Variants in ALK observed in about 807,000 individuals in gnomAD.
ALK encodes ALK receptor tyrosine kinase, also known as ALK tyrosine kinase receptor.
In ALK, 74 loss-of-function variants were observed where a neutral mutation model predicts 163.1. That is an observed-to-expected ratio of 0.45 (90% CI 0.38 to 0.55). The LOEUF (loss-of-function observed/expected upper bound fraction) is 0.55. Ranked by LOEUF, ALK falls within the 20% of genes least tolerant of loss-of-function variation. ALK has a pLI of 0.00. For synonymous variants in ALK, 960 were observed against 843.2 expected, an observed-to-expected ratio of 1.14 and a Z score of -2.40; for missense variants, 2,063 against 2,105.3, an observed-to-expected ratio of 0.98 and a Z score of 0.39.
chr2:29,332,128 T>C, intron 5 of ALK, among the ~76,000 whole-genome samples: 1 of 150,804 alleles, frequency 6.6e-6, no homozygotes, highest in East Asian at 1.9e-4. Flanking sequence ...CTACTAAAAA[T>C]ACAAAAAATT....
intron 22 of ALK, among the ~76,000 whole-genome samples, 177 bp downstream of exon 22, chr2:29,222,167 A>G (rs1015941118): frequency 3.3e-5 from 5 of 152,178 alleles, no homozygotes; most frequent in Non-Finnish European, 5.9e-5. Context: ...ACAACCATCA[A>G]GGGTTGTTCC....
At chr2:29,670,667 T>C (rs1447353631) in intron 3 of ALK, among the ~76,000 whole-genome samples, 2 of 152,090 alleles carry the variant, frequency 1.3e-5, no homozygotes, top group East Asian at 1.9e-4. Context: ...GATAATTTTC[T>C]ATATCTTACA....
At chr2:29,321,630 G>A (rs1049811749) in intron 6 of ALK, among the ~76,000 whole-genome samples, 1 of 152,142 alleles carries the variant, frequency 6.6e-6, no homozygotes, top group African/African-American at 2.4e-5. Context: ...TGTTCCTAAG[G>A]GTGACACTAT....
intron 3 of ALK, among the ~76,000 whole-genome samples, chr2:29,668,987 C>T (rs1025311526): frequency 2.6e-5 from 4 of 152,090 alleles, no homozygotes; most frequent in African/African-American, 9.7e-5. Context: ...TTACCTCCCA[C>T]TGGGTCCTTC....
chr2:29,895,585 T>G (rs1468608518), intron 1 of ALK, among the ~76,000 whole-genome samples: 1 of 152,180 alleles, frequency 6.6e-6, no homozygotes, highest in East Asian at 1.9e-4. Context: ...AAGGAAACAA[T>G]GCAGAAAGGA....
At position 29,588,524 on chromosome 2, in the gene ALK, C is replaced by A. The variant is rs528316929; in HGVS notation, c.953-56408G>T. Among the ~76,000 whole-genome samples, 7 of 152,280 alleles carry A rather than the reference C, an allele frequency of 4.6e-5. No individual in the cohort carries two copies. The East Asian group carries it at 1.2e-3, about 25-fold the overall frequency. The stretch of plus-strand genomic sequence containing the variant: ...GAGATTACAGACATGAGCCACCGCA[C>A]CTGGCCGAGAAAGAAATTAAGCTCT... On this transcript the variant is annotated intron_variant, in intron 3 of 28. Coordinates refer to ENST00000389048, the MANE Select transcript of ALK (RefSeq NM_004304.5).
At chr2:29,647,647 C>T (rs973857219) in intron 3 of ALK, among the ~76,000 whole-genome samples, 6 of 152,114 alleles carry the variant, frequency 3.9e-5, no homozygotes, top group African/African-American at 1.2e-4. Flanking sequence ...GTTCATATTC[C>T]CCTGATTAAG....
intron 4 of ALK, among the ~76,000 whole-genome samples, chr2:29,436,521 T>A (rs925981315): frequency 6.6e-6 from 1 of 152,216 alleles, no homozygotes; most frequent in African/African-American, 2.4e-5. Context: ...ATTAATCTGA[T>A]TCAACTGAAG....
At chr2:29,844,504 C>A (rs1003286720) in intron 1 of ALK, among the ~76,000 whole-genome samples, 11 of 152,090 alleles carry the variant, frequency 7.2e-5, no homozygotes, top group African/African-American at 2.4e-4. Context: ...GGCCTGTAAA[C>A]CTCTGATATA....
At chr2:29,879,397 A>G (rs2148417371) in intron 1 of ALK, among the ~76,000 whole-genome samples, 1 of 152,342 alleles carries the variant, frequency 6.6e-6, no homozygotes, top group East Asian at 1.9e-4. Flanking sequence ...TGCAAGGAAA[A>G]AAAGTGTCAA....
At chr2:29,821,089 A>G (rs574645117) in intron 1 of ALK, among the ~76,000 whole-genome samples, 14 of 152,282 alleles carry the variant, frequency 9.2e-5, no homozygotes, top group African/African-American at 2.6e-4. Flanking sequence ...GGGGATCGAG[A>G]CTACTGCCAA....
chr2:29,560,457 A>C (rs1673988776), intron 3 of ALK, among the ~76,000 whole-genome samples: 1 of 152,344 alleles, frequency 6.6e-6, no homozygotes, highest in African/African-American at 2.4e-5. Flanking sequence ...AAATGAGCCG[A>C]AGGCCTTTTT....
intron 1 of ALK, among the ~76,000 whole-genome samples, chr2:29,777,925 C>T (rs1236730159): frequency 6.6e-6 from 1 of 152,192 alleles, no homozygotes; most frequent in Non-Finnish European, 1.5e-5. Flanking sequence ...CAGGCCCTTG[C>T]TTTCTGAGCC....
chr2:29,672,321 C>T (rs564607293), intron 3 of ALK, among the ~76,000 whole-genome samples: 101 of 143,426 alleles, frequency 7.0e-4, no homozygotes, highest in Non-Finnish European at 1.3e-3. Flanking sequence ...TGCTATCCCT[C>T]CCCCTTCCCC....
Position 29,920,087 on chromosome 2 carries a change from G to C in ALK, c.573C>G (p.Pro191=), listed in dbSNP as rs145440822. ...TGCCCACTTCCGACGCCTTCTTCTC[G>C]GGCATCAGGCGGATCCTCAGTCGCC... is the stretch of plus-strand genomic sequence containing the variant. ...GEGRLRIRLM[P]EKKASEVGRE... Residue 191 remains proline (P), a synonymous_variant, in exon 1 of 29, where the codon CCC becomes CCG. Coordinates refer to ENST00000389048, the MANE Select transcript of ALK (RefSeq NM_004304.5). 4.0e-5 allele frequency: 64 copies of C among 1,614,050 alleles called. No individual in the cohort carries two copies. Among genetic ancestry groups the C allele is most frequent in the Non-Finnish European group, 5.2e-5 (61 of 1,180,052 alleles).
At chr2:29,579,348 A>G (rs1478714559) in intron 3 of ALK, among the ~76,000 whole-genome samples, 1 of 152,096 alleles carries the variant, frequency 6.6e-6, no homozygotes, top group East Asian at 1.9e-4. Context: ...CTTTCTATCA[A>G]CTTGCCATGA....
At chr2:29,517,795 A>G (rs1232717405) in intron 4 of ALK, among the ~76,000 whole-genome samples, 1 of 152,190 alleles carries the variant, frequency 6.6e-6, no homozygotes, top group Non-Finnish European at 1.5e-5. Context: ...GTTTTTGTGT[A>G]TGCTTTGTTT....
chr2:29,802,678 C>T (rs1319884822), intron 1 of ALK, among the ~76,000 whole-genome samples: 6 of 151,598 alleles, frequency 4.0e-5, no homozygotes, highest in Non-Finnish European at 7.4e-5. Context: ...AGGATTTTTT[C>T]TCTACCCATC....
chr2:29,703,920 G>A (rs1488370793), intron 2 of ALK, among the ~76,000 whole-genome samples: 2 of 152,188 alleles, frequency 1.3e-5, no homozygotes, highest in East Asian at 3.9e-4. Flanking sequence ...TCTCCTGGTT[G>A]CAGAAGTCTT....
Sources: allele counts gnomAD v4.1 joint callset (sites outside exome capture counted in the v4.1 genomes callset), GRCh38; gene constraint gnomAD v4.1.1; transcripts MANE v1.5; gene names NCBI Gene and HGNC (gene_info 2026-07-23, HGNC 2026-07-21).